The following UNC13C variants were observed in gnomAD, a reference collection of about 807,000 sequenced individuals.
UNC13C encodes the protein protein unc-13 homolog C.
In UNC13C, 174 loss-of-function variants were observed where a neutral mutation model predicts 245.4. The observed-to-expected ratio is 0.71, with a 90% CI of 0.63 to 0.80. UNC13C has a LOEUF of 0.80. UNC13C is among the 30% of genes least tolerant of loss of function. The pLI is 0.00. For synonymous variants in UNC13C, 992 were observed against 895.1 expected (o/e 1.11, Z -1.93); for missense variants, 2,829 against 2,602.9 (o/e 1.09, Z -1.89).
chr15:54,465,376 T>TG (rs1892111521), intron 19 of UNC13C, among the ~76,000 whole-genome samples: 1 of 152,104 alleles, frequency 6.6e-6, no homozygotes, highest in African/African-American at 2.4e-5. Flanking sequence ...AAACATTTTA[T>TG]GGCTTCTATG....
chr15:54,356,746 T>A (rs1858360), intron 17 of UNC13C, among the ~76,000 whole-genome samples: 71,296 of 152,010 alleles, frequency 0.47, 17,092 homozygotes, highest in East Asian at 0.74. Flanking sequence ...AAACATATGA[T>A]TTTTTGTGGG....
chr15:54,510,431 T>A (rs571229052), intron 23 of UNC13C, among the ~76,000 whole-genome samples: 8 of 151,568 alleles, frequency 5.3e-5, no homozygotes, highest in Non-Finnish European at 1.2e-4. Flanking sequence ...CCAGATCAAG[T>A]AGTTCTCACT....
intron 4 of UNC13C, among the ~76,000 whole-genome samples, chr15:54,153,954 G>T (rs951005163): frequency 1.3e-5 from 2 of 151,730 alleles, no homozygotes; most frequent in African/African-American, 2.4e-5. Flanking sequence ...GGGTACCTGT[G>T]GTATTTTGAT....
At chr15:54,318,137 A>G (rs2038057537) in intron 13 of UNC13C, among the ~76,000 whole-genome samples, 1 of 151,978 alleles carries the variant, frequency 6.6e-6, no homozygotes, top group African/African-American at 2.4e-5. Flanking sequence ...ATCTACTGAT[A>G]GATACTTAGG....
intron 17 of UNC13C, among the ~76,000 whole-genome samples, chr15:54,364,298 C>G (rs1203220711): frequency 5.5e-3 from 2 of 366 alleles, no homozygotes; most frequent in Admixed American, 0.11. Flanking sequence ...AAAAAATGAC[C>G]CCCCCCCAAG....
At chr15:53,989,049 A>C (rs1382222) in intron 1 of UNC13C, among the ~76,000 whole-genome samples, 149,809 of 152,040 alleles carry the variant, frequency 0.99, 73,840 homozygotes, top group Middle Eastern at 1. Context: ...GTGTTGACTA[A>C]CATGCAGGTA....
At chr15:54,154,809 G>A (rs1200542572) in intron 4 of UNC13C, among the ~76,000 whole-genome samples, 1 of 152,156 alleles carries the variant, frequency 6.6e-6, no homozygotes, top group Non-Finnish European at 1.5e-5. Flanking sequence ...TTATAAAAGG[G>A]ACTATATTGT....
At chr15:54,619,090 G>A (rs1900636061) in intron 30 of UNC13C, among the ~76,000 whole-genome samples, 1 of 152,068 alleles carries the variant, frequency 6.6e-6, no homozygotes, top group Non-Finnish European at 1.5e-5. Flanking sequence ...CTATGCCTTG[G>A]AAATGGATCC....
chr15:54,099,308 A>G (rs190038923), intron 2 of UNC13C, among the ~76,000 whole-genome samples: 2 of 152,252 alleles, frequency 1.3e-5, no homozygotes, highest in East Asian at 3.9e-4. Flanking sequence ...AAGCCAGGTC[A>G]GGGTTAAATC....
At chr15:54,183,373 T>A (rs1304123086) in intron 4 of UNC13C, among the ~76,000 whole-genome samples, 1 of 151,010 alleles carries the variant, frequency 6.6e-6, no homozygotes, top group African/African-American at 2.4e-5. Flanking sequence ...TTAGGCAAAC[T>A]AGATGCAGTT....
chr15:54,568,467 T>G (rs930697913), intron 30 of UNC13C, among the ~76,000 whole-genome samples: 33 of 152,284 alleles, frequency 2.2e-4, no homozygotes, highest in African/African-American at 7.9e-4. Flanking sequence ...TTGTTTCATG[T>G]GTTTCATATC....
chr15:54,474,533 T>G (rs34180023), intron 19 of UNC13C, among the ~76,000 whole-genome samples: 32,667 of 151,938 alleles, frequency 0.22, 4,593 homozygotes, highest in East Asian at 0.52. Flanking sequence ...TTGTTGTGTT[T>G]GTTTGTTTTG....
intron 2 of UNC13C, among the ~76,000 whole-genome samples, chr15:54,022,662 A>G (rs1293741232): frequency 6.6e-6 from 1 of 152,196 alleles, no homozygotes; most frequent in East Asian, 1.9e-4. Context: ...CTTATCAAAT[A>G]TATGGTTTGC....
At chr15:54,109,397 A>C (rs1425397011) in intron 2 of UNC13C, among the ~76,000 whole-genome samples, 1 of 136,926 alleles carries the variant, frequency 7.3e-6, no homozygotes, top group Non-Finnish European at 1.5e-5. Flanking sequence ...GCTAGAGTGC[A>C]GTAGTGTGAT....
At chr15:53,988,922 G>A (rs1435085794) in intron 1 of UNC13C, among the ~76,000 whole-genome samples, 7 of 151,898 alleles carry the variant, frequency 4.6e-5, no homozygotes, top group East Asian at 3.9e-4. Context: ...ATAAAGTGTC[G>A]GTATCTCCAT....
chr15:54,507,289 TTCA>T (rs1248942642), intron 23 of UNC13C, 95 bp downstream of exon 23: 11 of 801,062 alleles, frequency 1.4e-5, no homozygotes, highest in Non-Finnish European at 2.2e-5. Context: ...ACTTTCAGTT[TTCA>T]CATAGGATAA....
chr15:53,840,343 TA>T, the UNC13C span, among the ~76,000 whole-genome samples: 1 of 152,148 alleles, frequency 6.6e-6, no homozygotes, highest in Non-Finnish European at 1.5e-5. Context: ...CTCTGTTAAA[TA>T]GAGATTAATG....
intron 28 of UNC13C, among the ~76,000 whole-genome samples, chr15:54,553,091 A>G (rs1454414318): frequency 2.7e-4 from 27 of 100,358 alleles, no homozygotes; most frequent in Non-Finnish European, 4.1e-4. Context: ...CTATATTACA[A>G]TATATAATAT....
At chr15:54,287,411 G>A (rs1172033234) in intron 10 of UNC13C, among the ~76,000 whole-genome samples, 1 of 152,066 alleles carries the variant, frequency 6.6e-6, no homozygotes, top group Non-Finnish European at 1.5e-5. Flanking sequence ...CAAACAAAAT[G>A]AACTTACTAT....
Sources: gnomAD v4.1 joint callset for allele counts (sites outside exome capture counted in the v4.1 genomes callset) on GRCh38, gnomAD v4.1.1 for gene constraint, MANE v1.5 for transcripts, NCBI Gene and HGNC (gene_info 2026-07-23, HGNC 2026-07-21) for gene names.